Variants in RBFOX1 observed in about 807,000 individuals in gnomAD.
RBFOX1 encodes the protein RNA binding protein fox-1 homolog 1.
A neutral mutation model predicts 57.7 loss-of-function variants in RBFOX1; 8 were observed. The ratio of observed to expected loss-of-function variants is 0.14; its 90% CI spans 0.08 to 0.25. RBFOX1 has a LOEUF of 0.25. Among genes scored for constraint, RBFOX1 ranks in the 10% least tolerant of loss-of-function variants. The probability of loss-of-function intolerance (pLI) is 1.00; values close to 1 mark genes in which losing one functional copy is unlikely to be tolerated. For synonymous variants in RBFOX1, 326 were observed against 222.4 expected (o/e 1.47, Z -4.15); for missense variants, 611 against 548.5 (o/e 1.11, Z -1.14).
At chr16:6,005,110 C>A (rs1387904841) in intron 4 of RBFOX1, among the ~76,000 whole-genome samples, 2 of 152,252 alleles carry the variant, frequency 1.3e-5, no homozygotes, top group African/African-American at 4.8e-5. Context: ...GAGTCCATTT[C>A]TTAATACCAG....
intron 2 of RBFOX1, among the ~76,000 whole-genome samples, chr16:6,601,122 C>A (rs926285501): frequency 1.3e-5 from 2 of 152,176 alleles, no homozygotes; most frequent in African/African-American, 4.8e-5. Flanking sequence ...CCCCTTTAGC[C>A]TAGTTGTAAA....
intron 3 of RBFOX1, among the ~76,000 whole-genome samples, chr16:6,709,771 C>A (rs745516454): frequency 2.1e-4 from 32 of 152,198 alleles, no homozygotes; most frequent in Non-Finnish European, 4.6e-4. Context: ...TAAACTCGCT[C>A]AGCCCAGGAG....
intron 4 of RBFOX1, among the ~76,000 whole-genome samples, chr16:7,353,580 T>C (rs1470853255): frequency 1.3e-5 from 2 of 152,116 alleles, no homozygotes; most frequent in African/African-American, 4.8e-5. Context: ...AACTAAGAAA[T>C]GGATAAACAC....
At chr16:6,949,967 T>C (rs914035097) in intron 3 of RBFOX1, among the ~76,000 whole-genome samples, 2 of 151,216 alleles carry the variant, frequency 1.3e-5, no homozygotes, top group Admixed American at 6.6e-5. Flanking sequence ...TGTTTTTTGG[T>C]ACAGAGTCTT....
Position 5,726,781 on chromosome 16 carries a change from C to T in RBFOX1, c.318+127820C>T, listed in dbSNP as rs190456182. 1.2e-3 allele frequency among the ~76,000 whole-genome samples: 179 copies of T among 152,238 alleles called. 3 individuals carry two copies. The highest frequency in any genetic ancestry group is 3.4e-3 in the Middle Eastern group (1 of 292). On this transcript the variant is annotated intron_variant, in intron 3 of 19. Transcript: ENST00000641259. The stretch of plus-strand genomic sequence containing the variant: ...GTACAGATATTTTAATATTATTGTT[C>T]GCTACATGCCACTGTGCTTTGCCCC...
At chr16:7,097,972 G>C (rs1005080258) in intron 4 of RBFOX1, among the ~76,000 whole-genome samples, 1 of 152,156 alleles carries the variant, frequency 6.6e-6, no homozygotes, top group Non-Finnish European at 1.5e-5. Context: ...ATAATAGTGA[G>C]TGTTGTGAGG....
intron 2 of RBFOX1, among the ~76,000 whole-genome samples, chr16:5,533,167 G>C (rs540387569): frequency 6.6e-6 from 1 of 152,266 alleles, no homozygotes; most frequent in African/African-American, 2.4e-5. Context: ...GGGTAAGAAC[G>C]TATTTAGAAG....
intron 3 of RBFOX1, among the ~76,000 whole-genome samples, chr16:6,894,501 C>T (rs181999967): frequency 4.1e-4 from 62 of 152,256 alleles, no homozygotes; most frequent in African/African-American, 1.4e-3. Flanking sequence ...TCTCATGTTT[C>T]TGTTCACACC....
intron 3 of RBFOX1, among the ~76,000 whole-genome samples, chr16:6,777,151 T>G (rs2079517223): frequency 6.9e-6 from 1 of 145,336 alleles, no homozygotes; most frequent in South Asian, 2.1e-4. Context: ...GCTACACATT[T>G]TCCAGATATT....
chr16:6,772,824 TGTATGTGA>T (rs2078560137), intron 3 of RBFOX1, among the ~76,000 whole-genome samples: 1 of 148,670 alleles, frequency 6.7e-6, no homozygotes, highest in Admixed American at 6.7e-5. Context: ...TGCATTTGTG[TGTATGTGA>T]GTGTATGTGT....
chr16:7,221,212 G>T (rs1033135532), intron 4 of RBFOX1, among the ~76,000 whole-genome samples: 1 of 152,106 alleles, frequency 6.6e-6, no homozygotes. Context: ...TACATTGTAA[G>T]TGTTCAAAAA....
intron 3 of RBFOX1, among the ~76,000 whole-genome samples, chr16:6,994,286 T>G (rs184468533): frequency 6.6e-6 from 1 of 152,164 alleles, no homozygotes; most frequent in Non-Finnish European, 1.5e-5. Context: ...TCCGACTTAA[T>G]GAAGCCATCT....
intron 1 of RBFOX1, among the ~76,000 whole-genome samples, chr16:5,435,304 T>G (rs73526803): frequency 0.019 from 2,921 of 152,246 alleles, 112 homozygotes; most frequent in African/African-American, 0.066. Flanking sequence ...TGTGGATCTG[T>G]TTCCCCACCA....
chr16:6,855,866 C>T (rs967487867), intron 3 of RBFOX1, among the ~76,000 whole-genome samples: 17 of 151,300 alleles, frequency 1.1e-4, no homozygotes, highest in Admixed American at 7.9e-4. Context: ...TTCCTTTCTT[C>T]CCTGCTTTCT....
chr16:7,224,442 C>T (rs929931574), intron 4 of RBFOX1, among the ~76,000 whole-genome samples: 1 of 152,174 alleles, frequency 6.6e-6, no homozygotes, highest in African/African-American at 2.4e-5. Context: ...TACCAAGCAT[C>T]ACCAGCCCAG....
At chr16:6,683,792 A>T in intron 3 of RBFOX1, among the ~76,000 whole-genome samples, 1 of 152,286 alleles carries the variant, frequency 6.6e-6, no homozygotes, top group East Asian at 1.9e-4. Context: ...CTGGATTGCA[A>T]TCCTCCTTCC....
At chr16:7,404,027 C>CATTTT (rs1278332849) in intron 4 of RBFOX1, among the ~76,000 whole-genome samples, 4 of 49,036 alleles carry the variant, frequency 8.2e-5, no homozygotes, top group African/African-American at 2.3e-4. Flanking sequence ...GATTTCATTT[C>CATTTT]CTTTTATTTT....
rs577489398 is a variant in RBFOX1 at position 7,564,893 on chromosome 16, A to C, written c.271-14884A>C. 2.6e-5 allele frequency among the ~76,000 whole-genome samples: 4 copies of C among 152,282 alleles called. No homozygotes were observed. The South Asian group carries it at 6.2e-4, about 24-fold the overall frequency. Reference sequence around the variant, plus strand: ...CCTTTCAGAGGAATTTCATCACTGGAGCAGAGCATTGAATTCATTCGAGTT... The same window carrying C: ...CCTTTCAGAGGAATTTCATCACTGGCGCAGAGCATTGAATTCATTCGAGTT... On this transcript the variant is annotated intron_variant, in intron 5 of 15. Coordinates refer to ENST00000550418, the MANE Select transcript of RBFOX1 (RefSeq NM_018723.4).
chr16:6,141,067 T>G (rs2096712206), intron 1 of RBFOX1, among the ~76,000 whole-genome samples: 1 of 152,194 alleles, frequency 6.6e-6, no homozygotes, highest in African/African-American at 2.4e-5. Flanking sequence ...TTCATCCTCT[T>G]AATTCTCTGT....
Sources: allele counts gnomAD v4.1 joint callset (sites outside exome capture counted in the v4.1 genomes callset), GRCh38; gene constraint gnomAD v4.1.1; transcripts MANE v1.5; gene names NCBI Gene and HGNC (gene_info 2026-07-23, HGNC 2026-07-21).